Variants in SEC24D observed in about 807,000 individuals in gnomAD.
SEC24D encodes the protein protein transport protein Sec24D.
In SEC24D, 69 loss-of-function variants were observed where a neutral mutation model predicts 116.9. The observed-to-expected ratio is 0.59, with a 90% confidence interval of 0.49 to 0.72. The LOEUF (loss-of-function observed/expected upper bound fraction) is 0.72, where lower values mean the gene tolerates loss of function less well. SEC24D is among the 30% of genes least tolerant of loss of function. The pLI, the probability that SEC24D is intolerant of heterozygous loss-of-function variation, is 0.00. For missense variants in SEC24D, 1,131 were observed against 1,264.1 expected, an observed-to-expected ratio of 0.89 and a Z score of 1.60; for synonymous variants, 405 against 442.8, an observed-to-expected ratio of 0.91 and a Z score of 1.07.
chr4:118,766,997 A>C (rs1258754957), intron 9 of SEC24D, among the ~76,000 whole-genome samples: 1 of 152,002 alleles, frequency 6.6e-6, no homozygotes, highest in South Asian at 2.1e-4. Flanking sequence ...TGGGATATCC[A>C]ATTTGCCCTG....
At chr4:118,724,842 C>G (rs969138887) in intron 22 of SEC24D, among the ~76,000 whole-genome samples, 1 of 152,194 alleles carries the variant, frequency 6.6e-6, no homozygotes. Flanking sequence ...CCACCTGCCT[C>G]CTGTGTAATT....
At chr4:118,723,866 CA>C (rs1346165767) in intron 22 of SEC24D, among the ~76,000 whole-genome samples, 1 of 151,986 alleles carries the variant, frequency 6.6e-6, no homozygotes, top group Non-Finnish European at 1.5e-5. Flanking sequence ...TTTTAAGTGG[CA>C]AAAATGAAAC....
Position 118,765,701 on chromosome 4 carries a change from C to T in SEC24D, c.1181-784G>A, listed in dbSNP as rs1386682239. 2.6e-5 allele frequency among the ~76,000 whole-genome samples: 4 copies of T among 152,038 alleles called. 1 individual carries two copies. The highest frequency in any genetic ancestry group is 6.6e-5 in the Admixed American group (1 of 15,266). ...GTTTTAAACTTTTTGTAAAGAACAA[C>T]ATTGCCATTTGTAAAAACCATACAA... is the stretch of plus-strand genomic sequence containing the variant. On this transcript the variant is annotated intron_variant, in intron 9 of 22. Coordinates refer to ENST00000280551, the MANE Select transcript of SEC24D (RefSeq NM_014822.4).
intron 13 of SEC24D, among the ~76,000 whole-genome samples, chr4:118,748,776 T>G (rs920837641): frequency 6.6e-6 from 1 of 152,080 alleles, no homozygotes; most frequent in African/African-American, 2.4e-5. Flanking sequence ...TGTCTTCTCC[T>G]GTAGATCAAG....
chr4:118,769,188 A>C (rs942976650), intron 8 of SEC24D, among the ~76,000 whole-genome samples: 1 of 152,316 alleles, frequency 6.6e-6, no homozygotes, highest in East Asian at 1.9e-4. Context: ...TCAGAAAAAA[A>C]CGTTTCACAG....
chr4:118,816,078 C>T (rs1038759720), intron 4 of SEC24D, among the ~76,000 whole-genome samples: 4 of 147,480 alleles, frequency 2.7e-5, no homozygotes, highest in East Asian at 2.0e-4. Context: ...CACACCACCA[C>T]GCCAAGTTCA....
intron 6 of SEC24D, among the ~76,000 whole-genome samples, chr4:118,810,246 CTT>C (rs1377049805): frequency 3.9e-5 from 6 of 151,964 alleles, no homozygotes; most frequent in Non-Finnish European, 7.4e-5. Context: ...CATGATCTGA[CTT>C]AGAATTTGAA....
chr4:118,757,797 A>C lies in SEC24D; in HGVS notation c.1345T>G (p.Ser449Ala). ...AGTCCATTCTTTATGTTACTATATG[A>C]AACATCAATCATGAAGATAAAGGCT... ...PPAFIFMIDV[S>A]YSNIKNGLVK... The change falls in exon 11 of 23, where the codon TCA becomes GCA. Residue 449 changes from serine (S) to alanine (A), a missense_variant. Transcript: ENST00000280551. The C allele has an allele frequency of 6.2e-7, 1 of 1,611,724 alleles. No homozygotes were observed. Among genetic ancestry groups the C allele is most frequent in the Non-Finnish European group, 8.5e-7 (1 of 1,178,502 alleles).
intron 20 of SEC24D, 122 bp downstream of exon 20, chr4:118,732,611 G>A: frequency 2.2e-6 from 2 of 908,658 alleles, no homozygotes; most frequent in Non-Finnish European, 3.3e-6. Flanking sequence ...ATATTTTGAA[G>A]GCATTTGTGA....
chr4:118,826,048 T>C (rs1287401001), intron 2 of SEC24D, among the ~76,000 whole-genome samples: 3 of 151,922 alleles, frequency 2.0e-5, no homozygotes, highest in African/African-American at 7.3e-5. Flanking sequence ...TCTTCATGAA[T>C]AATATTGAAA....
Position 118,806,934 on chromosome 4 carries a change from C to T in SEC24D, c.802-980G>A, listed in dbSNP as rs183930589. Among the ~76,000 whole-genome samples, 571 of 152,214 alleles carry T rather than the reference C, an allele frequency of 3.8e-3. 4 individuals are homozygous for T. Among genetic ancestry groups the T allele is most frequent in the African/African-American group, 0.013 (535 of 41,542 alleles). ...CTCAGGAGTTCAAGGCTGCAATAAG[C>T]TATGATCGTGACACTGCATTCCAGC... On this transcript the variant is annotated intron_variant, in intron 6 of 22. Transcript: ENST00000280551.
chr4:118,778,317 C>G (rs1231596729), intron 8 of SEC24D, among the ~76,000 whole-genome samples: 1 of 152,194 alleles, frequency 6.6e-6, no homozygotes, highest in Non-Finnish European at 1.5e-5. Context: ...TTTCAGCTTT[C>G]TACATATGGC....
chr4:118,829,602 C>T (rs190845308), intron 2 of SEC24D, among the ~76,000 whole-genome samples: 2 of 152,176 alleles, frequency 1.3e-5, no homozygotes, highest in Admixed American at 1.3e-4. Flanking sequence ...TACCTGAGGT[C>T]GGGAGTTTGA....
intron 4 of SEC24D, among the ~76,000 whole-genome samples, chr4:118,816,100 T>C (rs1730136154): frequency 6.7e-6 from 1 of 148,374 alleles, no homozygotes; most frequent in African/African-American, 2.5e-5. Flanking sequence ...TTTTTTTTTT[T>C]TTTTTTTTTG....
At chr4:118,786,735 G>A (rs1465125265) in intron 8 of SEC24D, among the ~76,000 whole-genome samples, 1 of 151,884 alleles carries the variant, frequency 6.6e-6, no homozygotes, top group Non-Finnish European at 1.5e-5. Flanking sequence ...CGTCTGTGGT[G>A]GCTTCTCAAT....
rs763482078 is a variant in SEC24D at position 118,833,662 on chromosome 4, T to G, written c.35A>C (p.Tyr12Ser). ...SQQGYVATPP[Y>S]SQPQPGIGLS... ...GCCTATTCCAGGCTGAGGCTGAGAA[T>G]ACGGAGGTGTAGCCACGTAACCTTG... Residue 12 changes from tyrosine to serine, a missense_variant, in exon 2 of 23, where the codon TAT (tyrosine) becomes TCT (serine). Physicochemically the swap from Tyr to Ser is moderately radical, Grantham distance 144. Transcript: ENST00000280551. 1 of 1,614,036 alleles carries G rather than the reference T, an allele frequency of 6.2e-7. No homozygotes were observed. The highest frequency in any genetic ancestry group is 8.5e-7 in the Non-Finnish European group (1 of 1,179,954).
chr4:118,827,035 T>C (rs887295487), intron 2 of SEC24D, among the ~76,000 whole-genome samples: 1 of 152,206 alleles, frequency 6.6e-6, no homozygotes, highest in Non-Finnish European at 1.5e-5. Context: ...CTGCTTGAGC[T>C]GAATCTTGAA....
intron 3 of SEC24D, among the ~76,000 whole-genome samples, chr4:118,823,774 T>G (rs985198937): frequency 2.0e-5 from 3 of 152,212 alleles, no homozygotes; most frequent in Non-Finnish European, 4.4e-5. Flanking sequence ...CTTCCTCAAT[T>G]TATTATAAAC....
rs116763270 is a variant in SEC24D, at chr4:118,825,315, A to T, written c.119-566T>A. On this transcript the variant is annotated intron_variant, in intron 2 of 22. Coordinates refer to ENST00000280551, the MANE Select transcript of SEC24D (RefSeq NM_014822.4). ...TGGCTGGATGATGAACAGCTGGGGG[A>T]CTGCTCACTCACAGAGTCAGATTCA... 3.3e-3 allele frequency: 953 copies of T among 287,800 alleles called. 13 individuals are homozygous for T. The highest frequency in any genetic ancestry group is 0.019 in the African/African-American group (859 of 45,430). 17.8% of individuals were successfully genotyped at this position (287,800 alleles called of 1,614,324 possible). A position where few individuals can be genotyped will look rare whatever the true frequency, so the allele number is the denominator to read the frequency against.
Sources: gnomAD v4.1 joint callset for allele counts (sites outside exome capture counted in the v4.1 genomes callset) on GRCh38, gnomAD v4.1.1 for gene constraint, MANE v1.5 for transcripts, NCBI Gene and HGNC (gene_info 2026-07-23, HGNC 2026-07-21) for gene names.